COMP: variants seen among roughly 807,000 people sequenced by gnomAD.
COMP encodes cartilage oligomeric matrix protein.
COMP carries 79 observed loss-of-function variants against 95.8 expected under a neutral mutation model. The ratio of observed to expected loss-of-function variants is 0.82; its 90% confidence interval spans 0.69 to 0.99. The LOEUF (loss-of-function observed/expected upper bound fraction) is 0.99, where lower values mean the gene tolerates loss of function less well. Among genes scored for constraint, COMP ranks in the 50% least tolerant of loss-of-function variants. COMP has a pLI of 0.00. For synonymous variants in COMP, 438 were observed against 433.9 expected (o/e 1.01, Z -0.12); for missense variants, 906 against 1,076.1 (o/e 0.84, Z 2.21).
chr19:18,783,762 A>T (rs2055143867), intron 17 of COMP, among the ~76,000 whole-genome samples: 1 of 152,050 alleles, frequency 6.6e-6, no homozygotes, highest in Admixed American at 6.6e-5. Context: ...GGGCCCCGCC[A>T]CCACACCTGG....
intron 1 of COMP, 57 bp downstream of exon 1, chr19:18,791,134 G>A (rs936692220): frequency 1.9e-6 from 3 of 1,541,846 alleles, no homozygotes; most frequent in African/African-American, 1.4e-5. Context: ...GGCCTCTCAC[G>A]GGTCCTACAG....
At chr19:18,787,887 T>TTTCC (rs2055180677) in intron 9 of COMP, among the ~76,000 whole-genome samples, 1 of 88,656 alleles carries the variant, frequency 1.1e-5, no homozygotes, top group African/African-American at 3.7e-5. Flanking sequence ...TCTTTCTTTC[T>TTTCC]TTCTTTCTTT....
chr19:18,790,212 TC>T (rs1257858832), intron 3 of COMP, 98 bp from the exon 4 acceptor site: 21 of 855,130 alleles, frequency 2.5e-5, no homozygotes, highest in Non-Finnish European at 3.4e-5. Context: ...GGCTTCCCCT[TC>T]CCCCCCACCC....
Position 18,789,166 on chromosome 19 carries a change from G to T in COMP, c.522C>A (p.Asn174Lys). The T allele has an allele frequency of 6.3e-7, 1 of 1,581,344 alleles. No individual in the cohort carries two copies. Among genetic ancestry groups the T allele is most frequent in the Middle Eastern group, 1.7e-4 (1 of 5,868 alleles). Residue 174 changes from asparagine to lysine, a missense_variant, in exon 5 of 19, where the codon AAC becomes AAA. Asn to Lys is a moderately conservative substitution (Grantham distance 94). Coordinates refer to ENST00000222271, the MANE Select transcript of COMP (RefSeq NM_000095.3). The surrounding 1 kb of genome is among the most constrained non-coding windows in gnomAD (Gnocchi z 6.1). The part of the protein sequence containing the change: ...QGVGLAFAKA[N>K]KQVCTDINEC... Reference sequence around the variant, plus strand: ...GGGCCCCCACACCTCTCACCTGCTTGTTGGCCTTGGCGAAAGCCAGCCCCA... The same window carrying T: ...GGGCCCCCACACCTCTCACCTGCTTTTTGGCCTTGGCGAAAGCCAGCCCCA...
intron 1 of COMP, 70 bp downstream of exon 1, chr19:18,791,121 C>G (rs1254393182): frequency 3.3e-6 from 5 of 1,533,656 alleles, no homozygotes; most frequent in South Asian, 1.2e-5. Context: ...AGCCTGGATC[C>G]CGGGCCTCTC....
chr19:18,784,374 C>T lies in COMP; in HGVS notation c.1915-11G>A, dbSNP rs1280219613. On this transcript the variant is annotated splice_polypyrimidine_tract_variant and intron_variant, in intron 16 of 18. Transcript: ENST00000222271. The surrounding 1 kb of genome is among the most constrained non-coding windows in gnomAD (Gnocchi z 4.9). ...GGAAGACTTCACAGCCTGCCAATACCCAGGAAAGGTGGTCAGAGACCTCGT... is the reference window on the plus strand; with the variant it reads ...GGAAGACTTCACAGCCTGCCAATACTCAGGAAAGGTGGTCAGAGACCTCGT... The T allele has an allele frequency of 6.2e-7, 1 of 1,613,660 alleles. No homozygotes were observed. The highest frequency in any genetic ancestry group is 1.3e-5 in the African/African-American group (1 of 74,912).
At chr19:18,786,701 G>A (rs769574078) in intron 10 of COMP, 51 bp from the exon 11 acceptor site, 1 of 1,337,036 alleles carries the variant, frequency 7.5e-7, no homozygotes, top group Non-Finnish European at 1.0e-6. Flanking sequence ...AGGCCAGAAT[G>A]ACTTCATTAG....
In COMP at chr19:18,789,851, T is replaced by A; in HGVS notation, c.390+91A>T. On this transcript the variant is annotated intron_variant, in intron 4 of 18. Transcript: ENST00000222271. This position sits in a 1 kb window ranked among gnomAD's most constrained non-coding sequence, Gnocchi z 6.1. ...GTGAGAGGCTCTTCGGGGCGAACACTCCCAGTGGAGGAAGGGGTCTCCCGG... is the reference window on the plus strand; with the variant it reads ...GTGAGAGGCTCTTCGGGGCGAACACACCCAGTGGAGGAAGGGGTCTCCCGG... The A allele has an allele frequency of 2.0e-6, 3 of 1,470,582 alleles. No homozygotes were observed. In the South Asian group the frequency reaches 3.5e-5, roughly 17 times the overall value. The allele number at this position is 1,470,582 out of a possible 1,614,324, so 91.1% of individuals were successfully genotyped here.
chr19:18,790,002 G>C lies in COMP; in HGVS notation c.330C>G (p.Arg110=), dbSNP rs773322606. 5.0e-6 allele frequency: 8 copies of C among 1,590,162 alleles called. No homozygotes were observed. The highest frequency in any genetic ancestry group is 4.3e-6 in the Non-Finnish European group (5 of 1,175,274). ...VACIQTESGA[R]CGPCPAGFTG... ...TGAAGCCCGCGGGGCAGGGGCCGCA[G>C]CGCGCGCCGCTCTCCGTCTGGATGC... The change falls in exon 4 of 19, where the codon CGC becomes CGG. Residue 110 remains arginine (R), a synonymous_variant. Coordinates refer to ENST00000222271, the MANE Select transcript of COMP (RefSeq NM_000095.3).
chr19:18,785,328 C>T (rs2055157361), intron 15 of COMP, among the ~76,000 whole-genome samples, 170 bp downstream of exon 15: 1 of 151,360 alleles, frequency 6.6e-6, no homozygotes, highest in South Asian at 2.1e-4. Flanking sequence ...GGCCCCGCGC[C>T]TTCTCCTCCC....
intron 13 of COMP, 21 bp downstream of exon 13, chr19:18,785,944 C>T (rs2055163400): frequency 6.3e-7 from 1 of 1,574,966 alleles, no homozygotes; most frequent in Non-Finnish European, 8.6e-7. Flanking sequence ...GCCCCCACCG[C>T]AGGCCCCGCC....
In COMP at chr19:18,784,452, A is replaced by C; in HGVS notation, c.1915-89T>G. On this transcript the variant is annotated intron_variant, in intron 16 of 18. Transcript: ENST00000222271. The surrounding 1 kb of genome is among the most constrained non-coding windows in gnomAD (Gnocchi z 4.9). ...TCCTGGAGAGACAGTTGGGAGCAGC[A>C]GGTGGTGGGCGGCCAGGGGGATCCG... is the stretch of plus-strand genomic sequence containing the variant. 6.6e-7 allele frequency: 1 copy of C among 1,515,320 alleles called. No individual in the cohort carries two copies. Among genetic ancestry groups the C allele is most frequent in the Non-Finnish European group, 9.1e-7 (1 of 1,099,912 alleles). The allele number at this position is 1,515,320 out of a possible 1,614,324, so 93.9% of individuals were successfully genotyped here.
chr19:18,786,104 C>T lies in COMP; in HGVS notation c.1350G>A (p.Thr450=), dbSNP rs1386972140. The part of the protein sequence containing the change: ...GHQDSRDNCP[T]VPNSAQEDSD... Reference sequence around the variant, plus strand: ...AGTCCTCCTGGGCACTGTTAGGCACCGTGGGACAGTTGTCCCGAGAGTCCT... The same window carrying T: ...AGTCCTCCTGGGCACTGTTAGGCACTGTGGGACAGTTGTCCCGAGAGTCCT... Residue 450 remains threonine, a synonymous_variant, in exon 13 of 19, where the codon ACG becomes ACA. Coordinates refer to ENST00000222271, the MANE Select transcript of COMP (RefSeq NM_000095.3). 23 of 1,614,156 alleles carry T rather than the reference C, an allele frequency of 1.4e-5. No homozygotes were observed. Among genetic ancestry groups the T allele is most frequent in the Non-Finnish European group, 1.9e-5 (22 of 1,180,054 alleles).
In COMP at chr19:18,790,120, G is replaced by C. The variant is rs534407430; in HGVS notation, c.218-6C>G. ...GCGTACTGACTGCTGCATCCCTGCG[G>C]GGGGGAGGGGGGAGAAGCGGCGGGG... is the stretch of plus-strand genomic sequence containing the variant. On this transcript the variant is annotated splice_polypyrimidine_tract_variant and splice_region_variant and intron_variant, in intron 3 of 18. Coordinates refer to ENST00000222271, the MANE Select transcript of COMP (RefSeq NM_000095.3). 1.2e-3 allele frequency: 1,801 copies of C among 1,523,420 alleles called. 6 individuals carry two copies. The highest frequency in any genetic ancestry group is 1.4e-3 in the Non-Finnish European group (1,628 of 1,137,272). The allele number at this position is 1,523,420 out of a possible 1,614,324, so 94.4% of individuals were successfully genotyped here.
chr19:18,787,918 T>TTTC (rs2055181588), intron 9 of COMP, among the ~76,000 whole-genome samples: 1 of 93,048 alleles, frequency 1.1e-5, no homozygotes, highest in Non-Finnish European at 2.3e-5. Context: ...TTCTTTCTTT[T>TTTC]TTTTGAGACA....
At position 18,785,561 on chromosome 19, in the gene COMP, G is replaced by T. The variant is rs369668953; in HGVS notation, c.1669-15C>A. On this transcript the variant is annotated splice_polypyrimidine_tract_variant and intron_variant, in intron 14 of 18. Transcript: ENST00000222271. ...ATCTCCCTTCCCTGATGGGGTCAAAGAAAGGAGGGCCTCAGGCTGGCCGTG... is the reference window on the plus strand; with the variant it reads ...ATCTCCCTTCCCTGATGGGGTCAAATAAAGGAGGGCCTCAGGCTGGCCGTG... 28 of 1,613,934 alleles carry T rather than the reference G, an allele frequency of 1.7e-5. No individual in the cohort carries two copies. Among genetic ancestry groups the T allele is most frequent in the Non-Finnish European group, 2.4e-5 (28 of 1,180,038 alleles).
rs747180532 is a variant in COMP, at chr19:18,789,892, G to C, written c.390+50C>G. ...GGTCTCCCGGGCGGCGAGAGATTGG[G>C]GGGCGGTAGAGGGAGTCGTCAGGGC... On this transcript the variant is annotated intron_variant, in intron 4 of 18. Coordinates refer to ENST00000222271, the MANE Select transcript of COMP (RefSeq NM_000095.3). This position sits in a 1 kb window ranked among gnomAD's most constrained non-coding sequence, Gnocchi z 6.1. 1.9e-6 allele frequency: 3 copies of C among 1,585,998 alleles called. No homozygotes were observed. The highest frequency in any genetic ancestry group is 1.1e-5 in the South Asian group (1 of 89,924).
Position 18,789,196 on chromosome 19 carries a change from C to T in COMP, c.492G>A (p.Gln164=), listed in dbSNP as rs1250484264. ...CCTTGGCGAAAGCCAGCCCCACGCC[C>T]TGGTGGGTGGGGCCGCTGTACCCCG... ...CPPGYSGPTH[Q]GVGLAFAKAN... The change falls in exon 5 of 19, where the codon CAG becomes CAA. Residue 164 remains glutamine (Q), a synonymous_variant. Coordinates refer to ENST00000222271, the MANE Select transcript of COMP (RefSeq NM_000095.3). The surrounding 1 kb of genome is among the most constrained non-coding windows in gnomAD (Gnocchi z 6.1). 1.3e-6 allele frequency: 2 copies of T among 1,565,074 alleles called. No homozygotes were observed. The highest frequency in any genetic ancestry group is 8.6e-7 in the Non-Finnish European group (1 of 1,162,146).
rs9407 is a variant in COMP at position 18,782,823 on chromosome 19, C to T, written c.*92G>A. 1,142 of 1,424,008 alleles carry T rather than the reference C, an allele frequency of 8.0e-4. 7 individuals carry two copies. The African/African-American group carries it at 0.012, about 15-fold the overall frequency. 88.2% of individuals were successfully genotyped at this position (1,424,008 alleles called of 1,614,324 possible). A position where few individuals can be genotyped will look rare whatever the true frequency, so the allele number is the denominator to read the frequency against. On this transcript the variant is annotated 3_prime_UTR_variant, in exon 19 of 19. Transcript: ENST00000222271. ...CCTCTCTGAGCCCTTCTCACTTCCC[C>T]CTCAGGACGGCCACCCCTTGGGGCT...
Sources: gnomAD v4.1 joint callset for allele counts (sites outside exome capture counted in the v4.1 genomes callset) on GRCh38, gnomAD v4.1.1 for gene constraint, Gnocchi (gnomAD v3.1) non-coding constraint, MANE v1.5 for transcripts, NCBI Gene and HGNC (gene_info 2026-07-23, HGNC 2026-07-21) for gene names.